The following ZNF160 variants were observed in gnomAD, a reference collection of about 807,000 sequenced individuals.
The protein encoded by ZNF160 is zinc finger protein 160.
Under a neutral mutation model 13.1 loss-of-function variants are expected in ZNF160, and 9 were observed. The observed-to-expected ratio is 0.69, with a 90% CI of 0.41 to 1.20. The LOEUF is 1.20. Ranked by LOEUF, ZNF160 falls within the 50% of genes most tolerant of loss-of-function variation. The probability of loss-of-function intolerance (pLI) is 0.01; values close to 1 mark genes in which losing one functional copy is unlikely to be tolerated. For synonymous variants in ZNF160, 293 were observed against 333.2 expected (o/e 0.88, Z 1.31); for missense variants, 838 against 988.0 (o/e 0.85, Z 2.04).
At chr19:53,078,339 G>A (rs749013905) in intron 3 of ZNF160, among the ~76,000 whole-genome samples, 1 of 152,148 alleles carries the variant, frequency 6.6e-6, no homozygotes, top group Non-Finnish European at 1.5e-5. Context: ...GAGCCTAGGA[G>A]GTTGAAGGTA....
At chr19:53,085,889 C>G (rs146458527) in intron 3 of ZNF160, 1 of 682,176 alleles carries the variant, frequency 1.5e-6, no homozygotes, top group Non-Finnish European at 2.5e-6. Flanking sequence ...TGAGCAGGTA[C>G]GTGTGCACCT....
In ZNF160 at chr19:53,069,724, C is replaced by A; in HGVS notation, c.810G>T (p.Ser270=). Residue 270 remains serine (S), a synonymous_variant, in exon 6 of 6, where the codon TCG becomes TCT. Coordinates refer to ENST00000683776, the MANE Select transcript of ZNF160 (RefSeq NM_001322131.2). This position sits in a 1 kb window ranked among gnomAD's most constrained non-coding sequence, Gnocchi z 4.4. ...GAATTCTCCTATGACTTGTAAGGTT[C>A]GAATTCTGAGTGAACGCCTTGCCAC... ...NECGKAFTQN[S]NLTSHRRIHS... The A allele has an allele frequency of 1.2e-6, 2 of 1,613,820 alleles. No homozygotes were observed. Among genetic ancestry groups the A allele is most frequent in the South Asian group, 2.2e-5 (2 of 91,056 alleles).
intron 1 of ZNF160, among the ~76,000 whole-genome samples, chr19:53,099,495 A>C (rs1184820830): frequency 6.6e-6 from 1 of 152,220 alleles, no homozygotes; most frequent in African/African-American, 2.4e-5. Flanking sequence ...GAACACGGGA[A>C]GCCGGTGGAG....
At position 53,070,502 on chromosome 19, in the gene ZNF160, C is replaced by G. The variant is rs2084129227; in HGVS notation, c.272-240G>C. Among the ~76,000 whole-genome samples the G allele has an allele frequency of 2.0e-5, 3 of 152,016 alleles. No individual in the cohort carries two copies. The South Asian group carries it at 6.2e-4, about 32-fold the overall frequency. On this transcript the variant is annotated intron_variant, in intron 5 of 5. Transcript: ENST00000683776. ...CTTGGCTCACTGCAAGCTCTGCCTC[C>G]CGGGTTCACACCATTCTCCCGCCTC... is the stretch of plus-strand genomic sequence containing the variant.
chr19:53,080,378 C>T lies in ZNF160; in HGVS notation c.16-5195G>A, dbSNP rs146593776. 2.1e-3 allele frequency among the ~76,000 whole-genome samples: 313 copies of T among 152,294 alleles called. 2 individuals carry two copies. Among genetic ancestry groups the T allele is most frequent in the Non-Finnish European group, 3.1e-3 (211 of 68,020 alleles). Reference sequence around the variant, plus strand: ...CCTCCCAAAGTGCTGGGATTACAGGCGTGAGCCACTGTGCCCGGCCCAGTC... The same window carrying T: ...CCTCCCAAAGTGCTGGGATTACAGGTGTGAGCCACTGTGCCCGGCCCAGTC... On this transcript the variant is annotated intron_variant, in intron 3 of 5. Transcript: ENST00000683776.
At chr19:53,088,969 T>C (rs1436305254) in intron 2 of ZNF160, among the ~76,000 whole-genome samples, 2 of 152,210 alleles carry the variant, frequency 1.3e-5, no homozygotes, top group Non-Finnish European at 2.9e-5. Flanking sequence ...TTTCCTTGGG[T>C]TTGAATAACT....
Position 53,070,097 on chromosome 19 carries a change from C to T in ZNF160, c.437G>A (p.Arg146Lys). 5 of 1,614,142 alleles carry T rather than the reference C, an allele frequency of 3.1e-6. No homozygotes were observed. Among genetic ancestry groups the T allele is most frequent in the Non-Finnish European group, 4.2e-6 (5 of 1,180,034 alleles). The part of the protein sequence containing the change: ...KNVHDFECQW[R>K]DDTGNYKGVL... ...TCCCTTGTAATTTCCTGTGTCATCT[C>T]TCCATTGACACTCAAAATCATGCAC... The change falls in exon 6 of 6, where the codon AGA (arginine) becomes AAA (lysine). Residue 146 changes from arginine to lysine, a missense_variant. Around this residue, in one of 3 missense-constraint regions of ZNF160, gnomAD observed 387 missense variants for 402.3 expected, o/e 0.96. Coordinates refer to ENST00000683776, the MANE Select transcript of ZNF160 (RefSeq NM_001322131.2).
chr19:53,078,405 A>G (rs543869150), intron 3 of ZNF160, among the ~76,000 whole-genome samples: 1 of 152,054 alleles, frequency 6.6e-6, no homozygotes, highest in South Asian at 2.1e-4. Context: ...GTGAGACCCC[A>G]TCTCTAAAAA....
At chr19:53,094,682 AT>A (rs141954064) in intron 1 of ZNF160, among the ~76,000 whole-genome samples, 67 of 152,350 alleles carry the variant, frequency 4.4e-4, no homozygotes, top group African/African-American at 1.6e-3. Flanking sequence ...ATTGTTTGAA[AT>A]GTTGGATTAA....
Position 53,069,741 on chromosome 19 carries a change from C to A in ZNF160, c.793G>T (p.Ala265Ser). 6.2e-7 allele frequency: 1 copy of A among 1,614,052 alleles called. No homozygotes were observed. The highest frequency in any genetic ancestry group is 1.3e-5 in the African/African-American group (1 of 75,000). The change falls in exon 6 of 6, where the codon GCG becomes TCG. Residue 265 changes from alanine to serine, a missense_variant. By Grantham distance (99) the Ala-to-Ser change is moderately conservative. Around this residue, in one of 3 missense-constraint regions of ZNF160, gnomAD observed 387 missense variants for 402.3 expected, o/e 0.96. Coordinates refer to ENST00000683776, the MANE Select transcript of ZNF160 (RefSeq NM_001322131.2). This position sits in a 1 kb window ranked among gnomAD's most constrained non-coding sequence, Gnocchi z 4.4. ...GTAAGGTTCGAATTCTGAGTGAACG[C>A]CTTGCCACATTCATTACATTTATAA... The part of the protein sequence containing the change: ...KPYKCNECGK[A>S]FTQNSNLTSH...
At chr19:53,098,989 C>T (rs79471578) in intron 1 of ZNF160, among the ~76,000 whole-genome samples, 11,151 of 146,730 alleles carry the variant, frequency 0.076, 16 homozygotes, top group Non-Finnish European at 0.11. Flanking sequence ...CCTCACTACC[C>T]GCCCTATCCT....
chr19:53,074,282 G>GA lies in ZNF160; in HGVS notation c.143-15dup. The stretch of plus-strand genomic sequence containing the variant: ...AATGACACAGTCCTGTTTATAAAAA[G>GA]AAAGGATCACAATGTGCCGGGGCTT... On this transcript the variant is annotated splice_polypyrimidine_tract_variant and intron_variant, in intron 4 of 5. Coordinates refer to ENST00000683776, the MANE Select transcript of ZNF160 (RefSeq NM_001322131.2). The GA allele has an allele frequency of 1.2e-6, 2 of 1,613,256 alleles. No homozygotes were observed. Among genetic ancestry groups the GA allele is most frequent in the Non-Finnish European group, 1.7e-6 (2 of 1,179,600 alleles).
chr19:53,073,413 G>A (rs1173459222), intron 5 of ZNF160: 13 of 1,598,438 alleles, frequency 8.1e-6, no homozygotes, highest in African/African-American at 1.3e-5. Context: ...ATGGCCGAGG[G>A]ACCTCGACAG....
chr19:53,081,262 T>C (rs777041899), intron 3 of ZNF160, among the ~76,000 whole-genome samples: 2 of 151,844 alleles, frequency 1.3e-5, no homozygotes, highest in African/African-American at 2.4e-5. Flanking sequence ...AAATAAAAAA[T>C]AGACAAGTGG....
rs770192828 is a variant in ZNF160, at chr19:53,069,932, A to C, written c.602T>G (p.Met201Arg). ...CTTCTCAACTTGATTACATTCATAC[A>C]TTTTCCCCTCACCTTGAAATAGCTG... is the stretch of plus-strand genomic sequence containing the variant. ...ELQLFQGEGK[M>R]YECNQVEKST... The change falls in exon 6 of 6, where the codon ATG (methionine) becomes AGG (arginine). Residue 201 changes from methionine (M) to arginine (R), a missense_variant. By Grantham distance (91) the Met-to-Arg change is moderately conservative. Coordinates refer to ENST00000683776, the MANE Select transcript of ZNF160 (RefSeq NM_001322131.2). This position sits in a 1 kb window ranked among gnomAD's most constrained non-coding sequence, Gnocchi z 4.4. 1.2e-6 allele frequency: 2 copies of C among 1,614,070 alleles called. No individual in the cohort carries two copies. Among genetic ancestry groups the C allele is most frequent in the Non-Finnish European group, 8.5e-7 (1 of 1,180,032 alleles).
In ZNF160 at chr19:53,077,967, C is replaced by G. The variant is rs184507797; in HGVS notation, c.16-2784G>C. ...AATTAAAAAACACACTAGAGCCAGG[C>G]GTGATGGCTCACGCCTGTAATCCCA... On this transcript the variant is annotated intron_variant, in intron 3 of 5. Transcript: ENST00000683776. 2.0e-5 allele frequency among the ~76,000 whole-genome samples: 3 copies of G among 152,168 alleles called. No homozygotes were observed. In the South Asian group the frequency reaches 6.2e-4, roughly 32 times the overall value.
rs329699 is a variant in ZNF160, at chr19:53,083,377, A to T, written c.15+2885T>A. ...ATCAGCATGCAAAAAGACAACACTT[A>T]GGAAACTCTATAGATTTTAGGAGCT... On this transcript the variant is annotated intron_variant, in intron 3 of 5. Coordinates refer to ENST00000683776, the MANE Select transcript of ZNF160 (RefSeq NM_001322131.2). Among the ~76,000 whole-genome samples, 950 of 152,126 alleles carry T rather than the reference A, an allele frequency of 6.2e-3. 14 individuals are homozygous for T. Among genetic ancestry groups the T allele is most frequent in the African/African-American group, 0.022 (895 of 41,484 alleles).
At chr19:53,090,411 C>A (rs1233396489) in intron 2 of ZNF160, among the ~76,000 whole-genome samples, 1 of 152,238 alleles carries the variant, frequency 6.6e-6, no homozygotes, top group Non-Finnish European at 1.5e-5. Context: ...GCGTTGCCAT[C>A]TGTTCATGGT....
At chr19:53,092,106 T>G (rs1458367999) in intron 1 of ZNF160, among the ~76,000 whole-genome samples, 1 of 152,210 alleles carries the variant, frequency 6.6e-6, no homozygotes, top group Non-Finnish European at 1.5e-5. Context: ...TGAAATTCAC[T>G]TCACATGCAT....
Sources: allele counts gnomAD v4.1 joint callset (sites outside exome capture counted in the v4.1 genomes callset), GRCh38; gene constraint gnomAD v4.1.1; regional missense constraint gnomAD v4.1.1; non-coding constraint Gnocchi (gnomAD v3.1); transcripts MANE v1.5; gene names NCBI Gene and HGNC (gene_info 2026-07-23, HGNC 2026-07-21).